LRGUK: variants seen among roughly 807,000 people sequenced by gnomAD.
LRGUK encodes leucine rich repeats and guanylate kinase domain containing, also known as leucine-rich repeat and guanylate kinase domain-containing protein.
In LRGUK, 65 loss-of-function variants were observed where a neutral mutation model predicts 76.0. That is an observed-to-expected ratio of 0.85 (90% CI 0.70 to 1.05). LRGUK has a LOEUF of 1.05. LRGUK is among the 50% of genes least tolerant of loss of function. LRGUK has a pLI of 0.00. For synonymous variants in LRGUK, 268 were observed against 265.6 expected, an observed-to-expected ratio of 1.01 and a Z score of -0.09; for missense variants, 758 against 732.8, an observed-to-expected ratio of 1.03 and a Z score of -0.40.
chr7:134,141,297 AAC>A (rs1170514552), intron 3 of LRGUK, among the ~76,000 whole-genome samples: 2 of 152,190 alleles, frequency 1.3e-5, no homozygotes, highest in Non-Finnish European at 2.9e-5. Flanking sequence ...AAGCCCTGAT[AAC>A]ACAGATTTCT....
intron 19 of LRGUK, among the ~76,000 whole-genome samples, chr7:134,261,978 C>T (rs1802737980): frequency 3.3e-5 from 5 of 152,170 alleles, no homozygotes; most frequent in Admixed American, 3.3e-4. Flanking sequence ...AAGTTACTTT[C>T]AAGTAAATTT....
chr7:134,246,885 G>T lies in LRGUK; in HGVS notation c.1984-671G>T, dbSNP rs148647568. Among the ~76,000 whole-genome samples the T allele has an allele frequency of 8.5e-5, 13 of 152,244 alleles. No homozygotes were observed. The East Asian group carries it at 2.5e-3, about 29-fold the overall frequency. ...TTTAAGGGAGGAAATCCAGTACCTG[G>T]ACAGTTGCTAAATAGGTCATACTCC... is the stretch of plus-strand genomic sequence containing the variant. On this transcript the variant is annotated intron_variant, in intron 16 of 19. Coordinates refer to the LRGUK transcript ENST00000285928.
intron 11 of LRGUK, among the ~76,000 whole-genome samples, chr7:134,187,644 A>G (rs1053057308): frequency 1.3e-5 from 2 of 152,196 alleles, no homozygotes; most frequent in Admixed American, 1.3e-4. Flanking sequence ...AGTATTAGTT[A>G]TGGGTGACCT....
chr7:134,243,707 A>C (rs1395225430), intron 16 of LRGUK, among the ~76,000 whole-genome samples: 1 of 152,194 alleles, frequency 6.6e-6, no homozygotes, highest in Non-Finnish European at 1.5e-5. Context: ...ACTACTTTAA[A>C]GTTCATATGG....
At chr7:134,259,245 C>T (rs986189239) in intron 19 of LRGUK, among the ~76,000 whole-genome samples, 1 of 152,058 alleles carries the variant, frequency 6.6e-6, no homozygotes, top group Non-Finnish European at 1.5e-5. Context: ...CTCTGGGCTC[C>T]GCGGCAGTGT....
chr7:134,263,823 T>A (rs1465898173), intron 19 of LRGUK, 22 bp from the exon 20 acceptor site: 2 of 1,592,010 alleles, frequency 1.3e-6, no homozygotes, highest in East Asian at 2.3e-5. Context: ...ATTAACTATC[T>A]TTTTTTCTGA....
intron 7 of LRGUK, among the ~76,000 whole-genome samples, chr7:134,166,218 G>A (rs779635816): frequency 6.6e-5 from 10 of 152,064 alleles, no homozygotes; most frequent in Admixed American, 2.6e-4. Context: ...TTTATTGGTA[G>A]CACTTCATCA....
the LRGUK span, among the ~76,000 whole-genome samples, chr7:134,274,312 T>A: frequency 6.6e-6 from 1 of 152,238 alleles, no homozygotes; most frequent in Non-Finnish European, 1.5e-5. Flanking sequence ...TTCTTCCTTA[T>A]AAGTTCTAGT....
the LRGUK span, among the ~76,000 whole-genome samples, chr7:134,276,381 G>A: frequency 6.6e-6 from 1 of 152,302 alleles, no homozygotes; most frequent in South Asian, 2.1e-4. Flanking sequence ...TCAGCCCTTT[G>A]CTAGGAGTCT....
At chr7:134,143,460 TG>T (rs929560178) in intron 4 of LRGUK, among the ~76,000 whole-genome samples, 46 of 152,334 alleles carry the variant, frequency 3.0e-4, no homozygotes, top group African/African-American at 1.1e-3. Flanking sequence ...GCCCTTTTTT[TG>T]TTGTTATAGT....
chr7:134,265,261 C>T (rs1802835873), downstream of LRGUK, among the ~76,000 whole-genome samples: 1 of 152,076 alleles, frequency 6.6e-6, no homozygotes, highest in Non-Finnish European at 1.5e-5. Flanking sequence ...AAAAATAATA[C>T]TTCTGATTTA....
chr7:134,257,563 T>C (rs1802616601), intron 18 of LRGUK, among the ~76,000 whole-genome samples: 1 of 152,138 alleles, frequency 6.6e-6, no homozygotes, highest in African/African-American at 2.4e-5. Context: ...CCCAGTACTT[T>C]CGGAGGCCGA....
At chr7:134,267,551 TC>T (rs944794601), downstream of LRGUK, among the ~76,000 whole-genome samples, 7 of 152,134 alleles carry the variant, frequency 4.6e-5, no homozygotes, top group Non-Finnish European at 7.4e-5. Context: ...CCCATACTGT[TC>T]CCATGGGTAG....
intron 15 of LRGUK, among the ~76,000 whole-genome samples, chr7:134,202,126 A>G (rs1327751282): frequency 2.6e-5 from 4 of 152,110 alleles, no homozygotes; most frequent in Admixed American, 2.6e-4. Flanking sequence ...AATGCTCCTT[A>G]TCTAATGCTC....
chr7:134,147,525 A>G lies in LRGUK; in HGVS notation c.589-713A>G, dbSNP rs144135728. 6.7e-3 allele frequency among the ~76,000 whole-genome samples: 1,018 copies of G among 152,256 alleles called. 13 individuals carry two copies. The highest frequency in any genetic ancestry group is 0.018 in the African/African-American group (761 of 41,540). On this transcript the variant is annotated intron_variant, in intron 4 of 15. Transcript: ENST00000645682. ...GAAAGGTAAAGGAACAGGAAACAAG[A>G]TATGCACAGAAATGAAGTGAATACA...
intron 7 of LRGUK, among the ~76,000 whole-genome samples, chr7:134,170,762 C>A (rs1799207328): frequency 6.6e-6 from 1 of 152,122 alleles, no homozygotes; most frequent in South Asian, 2.1e-4. Context: ...TTATTGAGAA[C>A]TCATTATATC....
At chr7:134,249,692 G>A (rs974087493) in intron 18 of LRGUK, among the ~76,000 whole-genome samples, 2 of 152,174 alleles carry the variant, frequency 1.3e-5, no homozygotes, top group Non-Finnish European at 1.5e-5. Context: ...TGTTTAATAT[G>A]TCATAGTGTG....
At chr7:134,191,837 G>A (rs1800265900) in intron 12 of LRGUK, 86 bp downstream of exon 12, 3 of 958,508 alleles carry the variant, frequency 3.1e-6, no homozygotes, top group Non-Finnish European at 4.6e-6. Flanking sequence ...AATAAAAAAA[G>A]GAAGAATTAA....
chr7:134,235,878 A>G (rs1306106386), intron 16 of LRGUK, among the ~76,000 whole-genome samples: 1 of 152,160 alleles, frequency 6.6e-6, no homozygotes, highest in African/African-American at 2.4e-5. Context: ...GTTGACATCA[A>G]TTTCCTGGAA....
Sources: gnomAD v4.1 joint callset for allele counts (sites outside exome capture counted in the v4.1 genomes callset) on GRCh38, gnomAD v4.1.1 for gene constraint, MANE v1.5 for transcripts, NCBI Gene and HGNC (gene_info 2026-07-23, HGNC 2026-07-21) for gene names.